The following FADS1 variants were observed in gnomAD, a reference collection of about 807,000 sequenced individuals.
FADS1 encodes acyl-CoA (8-3)-desaturase.
In FADS1, 17 loss-of-function variants were observed where a neutral mutation model predicts 61.6. That is an observed-to-expected ratio of 0.28 (90% CI 0.19 to 0.41). FADS1 has a LOEUF of 0.41. FADS1 is among the 10% of genes least tolerant of loss of function. The probability of loss-of-function intolerance (pLI) is 1.00; values close to 1 mark genes in which losing one functional copy is unlikely to be tolerated. For synonymous variants in FADS1, 238 were observed against 258.7 expected, an observed-to-expected ratio of 0.92 and a Z score of 0.77; for missense variants, 387 against 650.9, an observed-to-expected ratio of 0.59 and a Z score of 4.41.
In FADS1 at chr11:61,816,920, G is replaced by A; in HGVS notation, c.10C>T (p.Arg4Cys). 1 of 1,399,390 alleles carries A rather than the reference G, an allele frequency of 7.1e-7. No homozygotes were observed. The highest frequency in any genetic ancestry group is 9.2e-7 in the Non-Finnish European group (1 of 1,087,434). 86.7% of individuals were successfully genotyped at this position (1,399,390 alleles called of 1,614,324 possible). A position where few individuals can be genotyped will look rare whatever the true frequency, so the allele number is the denominator to read the frequency against. ...GGCAGACCGGCGGGCCTCGCAGCGCGCGTTCCCATTGGCCGAGCCTCGTGG... is the reference window on the plus strand; with the variant it reads ...GGCAGACCGGCGGGCCTCGCAGCGCACGTTCCCATTGGCCGAGCCTCGTGG... MGTRAARPAGLPCG... is the reference protein window; with the variant it reads MGTCAARPAGLPCG... The change falls in exon 1 of 12, where the codon CGC becomes TGC. Residue 4 changes from arginine to cysteine, a missense_variant. Arg to Cys is a radical substitution (Grantham distance 180, BLOSUM62 -3). Coordinates refer to ENST00000350997, the MANE Select transcript of FADS1 (RefSeq NM_013402.7). The surrounding 1 kb of genome is among the most constrained non-coding windows in gnomAD (Gnocchi z 7.0).
intron 5 of FADS1, among the ~76,000 whole-genome samples, chr11:61,810,377 A>C (rs545106758): frequency 1.3e-5 from 2 of 152,272 alleles, no homozygotes; most frequent in East Asian, 3.9e-4. Context: ...GAGAAATACA[A>C]AGTGCAAGGG....
chr11:61,812,045 A>G (rs1004652154), intron 3 of FADS1: 21 of 316,478 alleles, frequency 6.6e-5, no homozygotes, highest in African/African-American at 4.6e-4. Flanking sequence ...ACTGACATCT[A>G]GAATACAGAA....
intron 2 of FADS1, 69 bp downstream of exon 2, chr11:61,813,174 T>C (rs2066943565): frequency 2.1e-6 from 2 of 939,118 alleles, no homozygotes; most frequent in East Asian, 4.8e-5. Flanking sequence ...CCATCTAGAC[T>C]CTCCTTCCAC....
At chr11:61,809,462 C>T (rs979912220) in intron 5 of FADS1, among the ~76,000 whole-genome samples, 1 of 152,204 alleles carries the variant, frequency 6.6e-6, no homozygotes, top group African/African-American at 2.4e-5. Flanking sequence ...CCACCTCAGC[C>T]TCCCAAGTAG....
chr11:61,816,251 C>T lies in FADS1; in HGVS notation c.375+304G>A, dbSNP rs2066981692. 1.3e-6 allele frequency: 2 copies of T among 1,597,180 alleles called. No homozygotes were observed. Among genetic ancestry groups the T allele is most frequent in the South Asian group, 1.1e-5 (1 of 90,964 alleles). On this transcript the variant is annotated intron_variant, in intron 1 of 11. Coordinates refer to ENST00000350997, the MANE Select transcript of FADS1 (RefSeq NM_013402.7). This position sits in a 1 kb window ranked among gnomAD's most constrained non-coding sequence, Gnocchi z 7.0. ...CCTACCCAGCTCGGGGTTCTGTCCCCGCCCAGAGACCTGAGGCTCGGGGCT... is the reference window on the plus strand; with the variant it reads ...CCTACCCAGCTCGGGGTTCTGTCCCTGCCCAGAGACCTGAGGCTCGGGGCT...
Position 61,816,117 on chromosome 11 carries a change from G to A in FADS1, c.375+438C>T. ...TGGAGACCGGCACCTAGGTCCAGAC[G>A]CGGCTGCGCTGCCTCTCCTAGCCAT... is the stretch of plus-strand genomic sequence containing the variant. On this transcript the variant is annotated intron_variant, in intron 1 of 11. Coordinates refer to ENST00000350997, the MANE Select transcript of FADS1 (RefSeq NM_013402.7). This position sits in a 1 kb window ranked among gnomAD's most constrained non-coding sequence, Gnocchi z 7.0. 1.4e-6 allele frequency: 1 copy of A among 707,670 alleles called. No individual in the cohort carries two copies. The highest frequency in any genetic ancestry group is 1.9e-5 in the South Asian group (1 of 52,686). 43.8% of individuals were successfully genotyped at this position (707,670 alleles called of 1,614,324 possible). A position where few individuals can be genotyped will look rare whatever the true frequency, so the allele number is the denominator to read the frequency against.
intron 5 of FADS1, among the ~76,000 whole-genome samples, chr11:61,809,081 G>A (rs2066914952): frequency 6.6e-6 from 1 of 152,148 alleles, no homozygotes; most frequent in Non-Finnish European, 1.5e-5. Flanking sequence ...CTAGTTTTCT[G>A]GTCTTCTCAT....
At position 61,802,660 on chromosome 11, in the gene FADS1, G is replaced by C; in HGVS notation, c.1454+141C>G. 1 of 1,344,928 alleles carries C rather than the reference G, an allele frequency of 7.4e-7. No individual in the cohort carries two copies. The highest frequency in any genetic ancestry group is 1.3e-5 in the South Asian group (1 of 77,820). The allele number at this position is 1,344,928 out of a possible 1,614,324, so 83.3% of individuals were successfully genotyped here. A position where few individuals can be genotyped will look rare whatever the true frequency, so the allele number is the denominator to read the frequency against. ...CTGACCTGGCCACAGGTCCAATAAA[G>C]AATCCTGCCTTTGCCATGGTGAACT... On this transcript the variant is annotated intron_variant, in intron 11 of 11. Transcript: ENST00000350997. This position sits in a 1 kb window ranked among gnomAD's most constrained non-coding sequence, Gnocchi z 4.2.
At position 61,816,913 on chromosome 11, in the gene FADS1, G is replaced by A. The variant is rs1259972156; in HGVS notation, c.17C>T (p.Ala6Val). The change falls in exon 1 of 12, where the codon GCG becomes GTG. Residue 6 changes from alanine (A) to valine (V), a missense_variant. Ala to Val is a moderately conservative substitution (Grantham distance 64). Around this residue, in one of 2 missense-constraint regions of FADS1, gnomAD observed 130 missense variants for 117.7 expected, o/e 1.10. Transcript: ENST00000350997. The surrounding 1 kb of genome is among the most constrained non-coding windows in gnomAD (Gnocchi z 7.0). ...ACCGCAGGGCAGACCGGCGGGCCTCGCAGCGCGCGTTCCCATTGGCCGAGC... is the reference window on the plus strand; with the variant it reads ...ACCGCAGGGCAGACCGGCGGGCCTCACAGCGCGCGTTCCCATTGGCCGAGC... MGTRA[A>V]RPAGLPCGAE... is the part of the protein sequence containing the mutation. 7 of 1,404,754 alleles carry A rather than the reference G, an allele frequency of 5.0e-6. No homozygotes were observed. The African/African-American group carries it at 7.6e-5, about 15-fold the overall frequency. The allele number at this position is 1,404,754 out of a possible 1,614,324, so 87.0% of individuals were successfully genotyped here.
chr11:61,810,661 A>G, intron 5 of FADS1, 90 bp downstream of exon 5: 5 of 1,531,698 alleles, frequency 3.3e-6, no homozygotes, highest in Non-Finnish European at 4.5e-6. Context: ...TGTCTTGCCC[A>G]CACTGACAAC....
intron 6 of FADS1, 183 bp from the exon 7 acceptor site, chr11:61,804,944 T>C: frequency 3.3e-6 from 2 of 598,706 alleles, no homozygotes; most frequent in Non-Finnish European, 3.0e-6. Context: ...AAGGTGGGCA[T>C]AAATCCAAGT....
At position 61,802,847 on chromosome 11, in the gene FADS1, C is replaced by G; in HGVS notation, c.1408G>C (p.Glu470Gln). 1 of 1,614,224 alleles carries G rather than the reference C, an allele frequency of 6.2e-7. No individual in the cohort carries two copies. The change falls in exon 11 of 12, where the codon GAG (glutamate) becomes CAG (glutamine). Residue 470 changes from glutamate (E) to glutamine (Q), a missense_variant. By Grantham distance (29) the Glu-to-Gln change is conservative. Around this residue, in one of 2 missense-constraint regions of FADS1, gnomAD observed 257 missense variants for 533.3 expected, o/e 0.48. Coordinates refer to ENST00000350997, the MANE Select transcript of FADS1 (RefSeq NM_013402.7). The surrounding 1 kb of genome is among the most constrained non-coding windows in gnomAD (Gnocchi z 4.2). ...GACAGCAGGGGCTTGGACTGGTACT[C>G]TATGCCATGCTTGGCACACAAGGAC... ...VQSLCAKHGI[E>Q]YQSKPLLSAF...
chr11:61,808,370 C>G (rs1040221601), intron 5 of FADS1, among the ~76,000 whole-genome samples: 6 of 151,918 alleles, frequency 3.9e-5, no homozygotes, highest in Non-Finnish European at 7.4e-5. Context: ...CCCAAAATAG[C>G]CTTTCTTCTC....
intron 5 of FADS1, among the ~76,000 whole-genome samples, chr11:61,807,745 A>G (rs952371364): frequency 1.8e-4 from 28 of 152,222 alleles, no homozygotes; most frequent in African/African-American, 6.8e-4. Flanking sequence ...CTATGTCTGC[A>G]TCGCACTCCA....
At chr11:61,813,132 T>C (rs1421401085) in intron 2 of FADS1, 111 bp downstream of exon 2, 1 of 772,776 alleles carries the variant, frequency 1.3e-6, no homozygotes, top group Non-Finnish European at 2.3e-6. Context: ...TCCCCAGAGC[T>C]ACTACTGACT....
rs756486957 is a variant in FADS1 at position 61,816,393 on chromosome 11, C to T, written c.375+162G>A. ...AGGCCTCTCTCCCGCCTTTTCATCC[C>T]GCATCCGCAGGACACCCAATCACCG... On this transcript the variant is annotated intron_variant, in intron 1 of 11. Transcript: ENST00000350997. The surrounding 1 kb of genome is among the most constrained non-coding windows in gnomAD (Gnocchi z 7.0). 6.3e-7 allele frequency: 1 copy of T among 1,598,542 alleles called. No homozygotes were observed. Among genetic ancestry groups the T allele is most frequent in the South Asian group, 1.1e-5 (1 of 91,082 alleles).
rs761239988 is a variant in FADS1, at chr11:61,803,007, C to A, written c.1328+25G>T. 3 of 1,614,116 alleles carry A rather than the reference C, an allele frequency of 1.9e-6. No individual in the cohort carries two copies. The Admixed American group carries it at 5.0e-5, about 27-fold the overall frequency. The stretch of plus-strand genomic sequence containing the variant: ...CAACACTTACACCCTCCCCAGGACC[C>A]TGCTTCCCCAGGCTCCCTACTCACT... On this transcript the variant is annotated intron_variant, in intron 10 of 11. Transcript: ENST00000350997. The surrounding 1 kb of genome is among the most constrained non-coding windows in gnomAD (Gnocchi z 4.3).
chr11:61,816,287 T>C lies in FADS1; in HGVS notation c.375+268A>G. 2.5e-6 allele frequency: 4 copies of C among 1,598,348 alleles called. No homozygotes were observed. Among genetic ancestry groups the C allele is most frequent in the African/African-American group, 2.7e-5 (2 of 75,030 alleles). On this transcript the variant is annotated intron_variant, in intron 1 of 11. Coordinates refer to ENST00000350997, the MANE Select transcript of FADS1 (RefSeq NM_013402.7). This position sits in a 1 kb window ranked among gnomAD's most constrained non-coding sequence, Gnocchi z 7.0. ...CTGAGGCTCGGGGCTGCAGATGGAA[T>C]GCACGGCAGGGAGGCGGGACCCTTT...
rs767814095 is a variant in FADS1, at chr11:61,816,392, C to A, written c.375+163G>T. ...CAGGCCTCTCTCCCGCCTTTTCATC[C>A]CGCATCCGCAGGACACCCAATCACC... On this transcript the variant is annotated intron_variant, in intron 1 of 11. Coordinates refer to ENST00000350997, the MANE Select transcript of FADS1 (RefSeq NM_013402.7). The surrounding 1 kb of genome is among the most constrained non-coding windows in gnomAD (Gnocchi z 7.0). 5 of 1,598,534 alleles carry A rather than the reference C, an allele frequency of 3.1e-6. No homozygotes were observed. The highest frequency in any genetic ancestry group is 4.2e-6 in the Non-Finnish European group (5 of 1,179,808).
Sources: gnomAD v4.1 joint callset for allele counts (sites outside exome capture counted in the v4.1 genomes callset) on GRCh38, gnomAD v4.1.1 for gene constraint, gnomAD v4.1.1 regional missense constraint, Gnocchi (gnomAD v3.1) non-coding constraint, MANE v1.5 for transcripts, NCBI Gene and HGNC (gene_info 2026-07-23, HGNC 2026-07-21) for gene names.